LAMB1: variants seen among roughly 807,000 people sequenced by gnomAD.
LAMB1 encodes the protein laminin subunit beta-1.
In LAMB1, 121 loss-of-function variants were observed where a neutral mutation model predicts 222.3. The ratio of observed to expected loss-of-function variants is 0.54; its 90% CI spans 0.47 to 0.63. The LOEUF (loss-of-function observed/expected upper bound fraction) is 0.63. Ranked by LOEUF, LAMB1 falls within the 30% of genes least tolerant of loss-of-function variation. The pLI is 0.00. For synonymous variants in LAMB1, 794 were observed against 807.2 expected (o/e 0.98, Z 0.28); for missense variants, 2,172 against 2,240.8 (o/e 0.97, Z 0.62).
In LAMB1 at chr7:107,924,345, A is replaced by G. The variant is rs2032509201; in HGVS notation, c.5109T>C (p.Asn1703=). ...ACTCTTCAGTTTTTTTGGCAATTAAATTTTCTACTTTTTTATACTTTTCAT... is the reference window on the plus strand; with the variant it reads ...ACTCTTCAGTTTTTTTGGCAATTAAGTTTTCTACTTTTTTATACTTTTCAT... ...ELDEKYKKVE[N]LIAKKTEESA... Residue 1703 remains asparagine, a synonymous_variant, in exon 33 of 34, where the codon AAT becomes AAC. Transcript: ENST00000222399. The G allele has an allele frequency of 6.2e-7, 1 of 1,612,112 alleles. No individual in the cohort carries two copies. Among genetic ancestry groups the G allele is most frequent in the South Asian group, 1.1e-5 (1 of 90,808 alleles).
intron 4 of LAMB1, among the ~76,000 whole-genome samples, chr7:107,995,400 A>C (rs1249363422): frequency 6.6e-6 from 1 of 152,252 alleles, no homozygotes. Context: ...CCTCCAGTAG[A>C]AACACAAATA....
chr7:107,937,006 T>C (rs1584488507), intron 26 of LAMB1, 87 bp downstream of exon 26: 3 of 1,148,514 alleles, frequency 2.6e-6, no homozygotes, highest in Non-Finnish European at 2.5e-6. Flanking sequence ...TAGAAAACTT[T>C]TTTTTTTCCC....
intron 26 of LAMB1, among the ~76,000 whole-genome samples, 188 bp downstream of exon 26, chr7:107,936,905 G>A (rs190433951): frequency 6.6e-6 from 1 of 152,146 alleles, no homozygotes; most frequent in East Asian, 1.9e-4. Context: ...TGTCTCTTAG[G>A]TTCTCTGTGC....
chr7:107,974,846 T>C, intron 12 of LAMB1, 140 bp downstream of exon 12: 1 of 589,230 alleles, frequency 1.7e-6, no homozygotes, highest in Non-Finnish European at 3.0e-6. Context: ...TAGTAATTCC[T>C]ATTGTGTGCA....
At chr7:107,943,454 A>AG (rs2033041564) in intron 24 of LAMB1, among the ~76,000 whole-genome samples, 1 of 152,202 alleles carries the variant, frequency 6.6e-6, no homozygotes, top group African/African-American at 2.4e-5. Context: ...TAGTACCTTA[A>AG]GAGTTTATGT....
At chr7:107,986,942 T>C (rs2034090265) in intron 5 of LAMB1, among the ~76,000 whole-genome samples, 1 of 152,134 alleles carries the variant, frequency 6.6e-6, no homozygotes, top group Non-Finnish European at 1.5e-5. Flanking sequence ...AATTCCACAT[T>C]ATTAGGTATA....
rs1304885879 is a variant in LAMB1, at chr7:107,964,540, T to G, written c.1698+12A>C. The G allele has an allele frequency of 1.9e-6, 3 of 1,614,010 alleles. No homozygotes were observed. The highest frequency in any genetic ancestry group is 2.5e-6 in the Non-Finnish European group (3 of 1,179,922). ...ACTGCTTTACCGACCTGCCACACAC[T>G]CCCCTACTCACAGGCCCCAAGTTGG... On this transcript the variant is annotated intron_variant, in intron 14 of 33. Coordinates refer to ENST00000222399, the MANE Select transcript of LAMB1 (RefSeq NM_002291.3).
At chr7:107,947,769 T>G (rs2033148563) in intron 24 of LAMB1, among the ~76,000 whole-genome samples, 1 of 152,194 alleles carries the variant, frequency 6.6e-6, no homozygotes, top group South Asian at 2.1e-4. Context: ...TTTGACAGAC[T>G]GCCTTAAGCA....
intron 5 of LAMB1, among the ~76,000 whole-genome samples, chr7:107,993,578 A>C (rs1054196721): frequency 6.6e-6 from 1 of 152,242 alleles, no homozygotes; most frequent in Admixed American, 6.5e-5. Flanking sequence ...AGGATTTTGG[A>C]TCTAGATGAA....
chr7:107,984,772 A>C (rs191792273), intron 7 of LAMB1, among the ~76,000 whole-genome samples: 86 of 152,346 alleles, frequency 5.6e-4, no homozygotes, highest in African/African-American at 2.0e-3. Context: ...GTATGTCTCA[A>C]ATATCACATA....
At position 107,964,632 on chromosome 7, in the gene LAMB1, A is replaced by G; in HGVS notation, c.1618T>C (p.Cys540Arg). 1 of 1,614,150 alleles carries G rather than the reference A, an allele frequency of 6.2e-7. No homozygotes were observed. Among genetic ancestry groups the G allele is most frequent in the Non-Finnish European group, 8.5e-7 (1 of 1,180,016 alleles). ...TAGTAACCAGGTTCCACTTCGTTGC[A>G]CTGACGTCCAATCATGTGAGGCCGG... ...SCRPHMIGRQ[C>R]NEVEPGYYFA... Residue 540 changes from cysteine to arginine, a missense_variant, in exon 14 of 34, where the codon TGC becomes CGC. Cys to Arg is a radical substitution (Grantham distance 180). Transcript: ENST00000222399.
chr7:107,929,549 G>A lies in LAMB1; in HGVS notation c.4608C>T (p.Thr1536=). The A allele has an allele frequency of 6.2e-7, 1 of 1,614,002 alleles. No homozygotes were observed. Among genetic ancestry groups the A allele is most frequent in the Non-Finnish European group, 8.5e-7 (1 of 1,179,932 alleles). Residue 1536 remains threonine, a synonymous_variant, in exon 30 of 34, where the codon ACC becomes ACT. Coordinates refer to ENST00000222399, the MANE Select transcript of LAMB1 (RefSeq NM_002291.3). The stretch of plus-strand genomic sequence containing the variant: ...CTGTCAAGTTCTGTAACTGCTGTGG[G>A]GTGCTAGGCATCTCCATTTTCAATA... The part of the protein sequence containing the change: ...NEVLKMEMPS[T]PQQLQNLTED...
intron 12 of LAMB1, among the ~76,000 whole-genome samples, chr7:107,973,955 T>C (rs1202877891): frequency 4.6e-5 from 7 of 152,140 alleles, no homozygotes; most frequent in Non-Finnish European, 1.0e-4. Flanking sequence ...CTATTTTATT[T>C]ATGATTTTAA....
At chr7:107,935,992 C>T (rs2032838373) in intron 26 of LAMB1, among the ~76,000 whole-genome samples, 1 of 152,160 alleles carries the variant, frequency 6.6e-6, no homozygotes, top group South Asian at 2.1e-4. Flanking sequence ...TTTTCTCAAT[C>T]CTTTATTCGG....
At chr7:107,943,138 G>A (rs745914079) in intron 24 of LAMB1, among the ~76,000 whole-genome samples, 5 of 152,156 alleles carry the variant, frequency 3.3e-5, no homozygotes, top group East Asian at 1.9e-4. Context: ...TAGACCATAC[G>A]TTCTATGATG....
intron 28 of LAMB1, 86 bp from the exon 29 acceptor site, chr7:107,931,586 T>G: frequency 1.6e-6 from 2 of 1,258,238 alleles, no homozygotes; most frequent in Non-Finnish European, 2.3e-6. Flanking sequence ...AAAAATGATG[T>G]TGAAAAACTA....
chr7:107,988,427 T>C lies in LAMB1; in HGVS notation c.424-2064A>G, dbSNP rs1200214500. On this transcript the variant is annotated intron_variant, in intron 5 of 33. Transcript: ENST00000222399. ...CACACACATATTTGAAACCTCCAAG[T>C]ATATGATGTCTCAAACAAAAAAAAA... is the stretch of plus-strand genomic sequence containing the variant. 2.0e-5 allele frequency among the ~76,000 whole-genome samples: 3 copies of C among 151,816 alleles called. No individual in the cohort carries two copies. The East Asian group carries it at 5.8e-4, about 29-fold the overall frequency.
intron 31 of LAMB1, among the ~76,000 whole-genome samples, chr7:107,928,565 T>C (rs1187633822): frequency 6.6e-6 from 1 of 152,000 alleles, no homozygotes; most frequent in African/African-American, 2.4e-5. Context: ...TGATCTCAGC[T>C]CATTGCAACC....
chr7:107,980,037 A>C (rs1299360494), intron 8 of LAMB1, among the ~76,000 whole-genome samples: 1 of 151,972 alleles, frequency 6.6e-6, no homozygotes, highest in Non-Finnish European at 1.5e-5. Flanking sequence ...ATGAAACCCC[A>C]CCTCTACTAA....
Sources: gnomAD v4.1 joint callset for allele counts (sites outside exome capture counted in the v4.1 genomes callset) on GRCh38, gnomAD v4.1.1 for gene constraint, MANE v1.5 for transcripts, NCBI Gene and HGNC (gene_info 2026-07-23, HGNC 2026-07-21) for gene names.